The following ARHGEF3 variants were observed in gnomAD, a reference collection of about 807,000 sequenced individuals.
ARHGEF3 encodes the protein Rho guanine nucleotide exchange factor 3.
Under a neutral mutation model 63.2 loss-of-function variants are expected in ARHGEF3, and 28 were observed. That is an observed-to-expected ratio of 0.44 (90% CI 0.33 to 0.61). The LOEUF (loss-of-function observed/expected upper bound fraction) is 0.61, where lower values mean the gene tolerates loss of function less well. Among genes scored for constraint, ARHGEF3 ranks in the 20% least tolerant of loss-of-function variants. The pLI is 0.03. For missense variants in ARHGEF3, 533 were observed against 659.3 expected, an observed-to-expected ratio of 0.81 and a Z score of 2.10; for synonymous variants, 266 against 254.2, an observed-to-expected ratio of 1.05 and a Z score of -0.44.
At chr3:56,937,981 C>T (rs557544019) in intron 3 of ARHGEF3, among the ~76,000 whole-genome samples, 32 of 152,266 alleles carry the variant, frequency 2.1e-4, no homozygotes, top group South Asian at 1.2e-3. Flanking sequence ...AATGTTAGGT[C>T]GAATCAGCCC....
chr3:56,794,416 A>G (rs902314852), intron 1 of ARHGEF3, among the ~76,000 whole-genome samples: 2 of 148,288 alleles, frequency 1.3e-5, no homozygotes, highest in East Asian at 2.0e-4. Flanking sequence ...TGAACCCGGG[A>G]GGCAGAGGTT....
chr3:57,060,168 A>G (rs1705145113), intron 1 of ARHGEF3, among the ~76,000 whole-genome samples: 1 of 151,838 alleles, frequency 6.6e-6, no homozygotes, highest in Admixed American at 6.6e-5. Flanking sequence ...AAAAATTTTA[A>G]AATTAGCTGG....
chr3:57,073,797 A>G (rs1706066077), intron 1 of ARHGEF3: 29 of 1,614,254 alleles, frequency 1.8e-5, no homozygotes, highest in Middle Eastern at 1.6e-4. Context: ...ATGGCCACCC[A>G]GAGGCCTTGG....
intron 3 of ARHGEF3, among the ~76,000 whole-genome samples, chr3:56,930,742 T>A (rs539361972): frequency 6.6e-6 from 1 of 152,298 alleles, no homozygotes; most frequent in South Asian, 2.1e-4. Flanking sequence ...TAAAATATAT[T>A]TTTTAAATGC....
At chr3:57,019,805 G>A (rs892737471) in intron 2 of ARHGEF3, among the ~76,000 whole-genome samples, 2 of 152,164 alleles carry the variant, frequency 1.3e-5, no homozygotes, top group African/African-American at 4.8e-5. Flanking sequence ...GAGGCTGGGG[G>A]TAAGGGTGAG....
chr3:56,889,303 G>C (rs951586223), intron 3 of ARHGEF3, among the ~76,000 whole-genome samples: 1 of 152,160 alleles, frequency 6.6e-6, no homozygotes, highest in Non-Finnish European at 1.5e-5. Context: ...CCCGACAACA[G>C]ATTCTCAGAA....
chr3:56,968,159 TATATTATATAATATATATAAAA>T (rs1700697061), intron 2 of ARHGEF3, among the ~76,000 whole-genome samples: 2 of 30,430 alleles, frequency 6.6e-5, no homozygotes, highest in African/African-American at 9.5e-5. Context: ...TATAAAAATA[TATATTATATAATATATATAAAA>T]ATATATATTA....
At chr3:56,983,867 C>T (rs993428701) in intron 2 of ARHGEF3, among the ~76,000 whole-genome samples, 1 of 139,204 alleles carries the variant, frequency 7.2e-6, no homozygotes, top group African/African-American at 2.7e-5. Flanking sequence ...ACCTTGGGGG[C>T]GGAGGTTGCA....
chr3:56,878,716 C>G (rs527736330), intron 4 of ARHGEF3, among the ~76,000 whole-genome samples: 1 of 152,130 alleles, frequency 6.6e-6, no homozygotes, highest in Admixed American at 6.5e-5. Flanking sequence ...AGTGATGCAT[C>G]CCCCCAAACA....
chr3:56,970,322 C>T (rs185823020), intron 2 of ARHGEF3, among the ~76,000 whole-genome samples: 25 of 152,042 alleles, frequency 1.6e-4, no homozygotes, highest in Admixed American at 1.2e-3. Flanking sequence ...GGAAAAAATC[C>T]ACACGGAATA....
At chr3:56,775,768 C>T (rs76655768) in intron 1 of ARHGEF3, 4 of 665,084 alleles carry the variant, frequency 6.0e-6, no homozygotes, top group South Asian at 6.8e-5. Context: ...GCACCACTAG[C>T]GTACTGAATA....
intron 3 of ARHGEF3, among the ~76,000 whole-genome samples, chr3:56,936,939 G>C (rs915653667): frequency 4.6e-5 from 7 of 152,116 alleles, no homozygotes; most frequent in African/African-American, 9.7e-5. Context: ...GGCTGGTCTT[G>C]AACTCCTAAG....
chr3:57,025,761 A>G (rs1703446840), intron 2 of ARHGEF3, among the ~76,000 whole-genome samples: 3 of 152,150 alleles, frequency 2.0e-5, no homozygotes, highest in Non-Finnish European at 2.9e-5. Flanking sequence ...CACGGACTCT[A>G]TTAGATTGTA....
chr3:56,933,186 A>G (rs921176204), intron 3 of ARHGEF3, among the ~76,000 whole-genome samples: 1 of 152,234 alleles, frequency 6.6e-6, no homozygotes, highest in African/African-American at 2.4e-5. Flanking sequence ...TCAAGAATAT[A>G]TTCAGACTAC....
chr3:56,925,490 C>T (rs2042252125), intron 3 of ARHGEF3, among the ~76,000 whole-genome samples: 1 of 152,210 alleles, frequency 6.6e-6, no homozygotes, highest in South Asian at 2.1e-4. Flanking sequence ...TGATACCCTA[C>T]TGATTTCCTT....
In ARHGEF3 at chr3:56,826,769, T is replaced by G. The variant is rs905318507; in HGVS notation, c.193-52953A>C. On this transcript the variant is annotated intron_variant, in intron 4 of 12. Coordinates refer to the ARHGEF3 transcript ENST00000338458. Reference sequence around the variant, plus strand: ...CCAAAGTATCAGACTAAAGGTCTTCTAACTAGAACTGTGAAGAACTCACTG... The same window carrying G: ...CCAAAGTATCAGACTAAAGGTCTTCGAACTAGAACTGTGAAGAACTCACTG... Among the ~76,000 whole-genome samples, 3 of 152,306 alleles carry G rather than the reference T, an allele frequency of 2.0e-5. No homozygotes were observed. In the East Asian group the frequency reaches 5.8e-4, roughly 29 times the overall value.
chr3:56,809,035 C>G (rs532057217), intron 4 of ARHGEF3, among the ~76,000 whole-genome samples: 188 of 152,306 alleles, frequency 1.2e-3, no homozygotes, highest in African/African-American at 4.4e-3. Flanking sequence ...TCACTTCAGA[C>G]TTTGATCATT....
intron 2 of ARHGEF3, among the ~76,000 whole-genome samples, chr3:56,982,508 T>G: frequency 6.6e-6 from 1 of 152,094 alleles, no homozygotes; most frequent in East Asian, 1.9e-4. Context: ...CTCTCCAGCC[T>G]TCCTATCCAC....
chr3:57,038,586 G>T (rs1004092355), intron 1 of ARHGEF3, among the ~76,000 whole-genome samples: 10 of 152,066 alleles, frequency 6.6e-5, no homozygotes, highest in Non-Finnish European at 1.2e-4. Context: ...TGGAACTACA[G>T]GTGCACATTA....
Sources: allele counts gnomAD v4.1 joint callset (sites outside exome capture counted in the v4.1 genomes callset), GRCh38; gene constraint gnomAD v4.1.1; transcripts MANE v1.5; gene names NCBI Gene and HGNC (gene_info 2026-07-23, HGNC 2026-07-21).